IKBKB-DT: variants seen among roughly 807,000 people sequenced by gnomAD.
IKBKB-DT encodes the protein IKBKB divergent transcript, also known as IKBKB antisense RNA.
At chr8:42,263,496 A>T (rs928229787) in intron 2 of IKBKB-DT, 7 of 152,222 alleles carry the variant, frequency 4.6e-5, no homozygotes, top group African/African-American at 1.7e-4. Flanking sequence ...GCAGATTAAG[A>T]AGAGAAAGAC....
intron 3 of IKBKB-DT, among the ~76,000 whole-genome samples, chr8:42,241,756 C>T (rs1357304552): frequency 1.3e-5 from 2 of 152,138 alleles, no homozygotes; most frequent in African/African-American, 4.8e-5. Context: ...GACATATCAG[C>T]CCACCTGCTT....
chr8:42,246,130 A>G (rs1189802586), intron 3 of IKBKB-DT, among the ~76,000 whole-genome samples: 3 of 152,188 alleles, frequency 2.0e-5, no homozygotes, highest in Non-Finnish European at 2.9e-5. Context: ...TCAACCTCCC[A>G]GGCTCAGGCA....
chr8:42,235,808 T>C (rs1806912742), intron 3 of IKBKB-DT, among the ~76,000 whole-genome samples: 1 of 152,172 alleles, frequency 6.6e-6, no homozygotes, highest in African/African-American at 2.4e-5. Context: ...GAGTTGATTT[T>C]GTTTGTGCAG....
chr8:42,265,424 G>T (rs1807356833), intron 2 of IKBKB-DT, among the ~76,000 whole-genome samples: 2 of 152,152 alleles, frequency 1.3e-5, no homozygotes, highest in South Asian at 4.1e-4. Context: ...TGGCCTCCCA[G>T]ATAGTCACCA....
chr8:42,238,268 G>C (rs909168298), intron 3 of IKBKB-DT, among the ~76,000 whole-genome samples: 1 of 152,102 alleles, frequency 6.6e-6, no homozygotes, highest in African/African-American at 2.4e-5. Flanking sequence ...CAAAAATTAC[G>C]AGAGTGAGAG....
At chr8:42,270,164 A>AAACCCTGCTAG (rs1807535990) in intron 1 of IKBKB-DT, among the ~76,000 whole-genome samples, 1 of 152,170 alleles carries the variant, frequency 6.6e-6, no homozygotes, top group Non-Finnish European at 1.5e-5. Flanking sequence ...TTTGAGTATC[A>AAACCCTGCTAG]GCTCATCTAC....
chr8:42,254,638 G>A (rs889768939), intron 3 of IKBKB-DT, among the ~76,000 whole-genome samples: 3 of 150,768 alleles, frequency 2.0e-5, no homozygotes, highest in Non-Finnish European at 4.4e-5. Flanking sequence ...GGGAAGTGAG[G>A]AGCACCTCTG....
At chr8:42,248,362 G>A (rs1807088078) in intron 3 of IKBKB-DT, among the ~76,000 whole-genome samples, 2 of 151,984 alleles carry the variant, frequency 1.3e-5, no homozygotes, top group Non-Finnish European at 2.9e-5. Context: ...GGAGACCCCT[G>A]TCTTAGAGTA....
chr8:42,240,241 G>T (rs1327742117), intron 3 of IKBKB-DT, among the ~76,000 whole-genome samples: 1 of 147,846 alleles, frequency 6.8e-6, no homozygotes, highest in African/African-American at 2.5e-5. Flanking sequence ...TTTTTTTGAG[G>T]AATCACTTTG....
At chr8:42,237,684 A>G (rs1456118181) in intron 3 of IKBKB-DT, among the ~76,000 whole-genome samples, 1 of 152,008 alleles carries the variant, frequency 6.6e-6, no homozygotes, top group African/African-American at 2.4e-5. Context: ...GGCTACAATG[A>G]GGGGGATCTG....
intron 3 of IKBKB-DT, among the ~76,000 whole-genome samples, chr8:42,248,331 C>T (rs1393959540): frequency 1.3e-5 from 2 of 152,090 alleles, no homozygotes; most frequent in East Asian, 1.9e-4. Context: ...CAGACCGGGA[C>T]CTGTCTTCGG....
At chr8:42,257,670 A>G (rs574147289) in intron 3 of IKBKB-DT, among the ~76,000 whole-genome samples, 75 of 152,206 alleles carry the variant, frequency 4.9e-4, no homozygotes, top group South Asian at 1.9e-3. Flanking sequence ...TCAGTGGCTC[A>G]TGCCTATAAT....
chr8:42,248,227 C>CT (rs1300622257), intron 3 of IKBKB-DT, among the ~76,000 whole-genome samples: 3 of 152,136 alleles, frequency 2.0e-5, no homozygotes, highest in Non-Finnish European at 4.4e-5. Flanking sequence ...ATATCTCACA[C>CT]TTTATAGCAG....
chr8:42,266,717 A>G lies in IKBKB-DT; in HGVS notation n.604-321T>C. 1.3e-5 allele frequency among the ~76,000 whole-genome samples: 2 copies of G among 152,154 alleles called. 1 individual carries two copies. Among genetic ancestry groups the G allele is most frequent in the Non-Finnish European group, 2.9e-5 (2 of 68,012 alleles). On this transcript the variant is annotated intron_variant and non_coding_transcript_variant, in intron 1 of 3. Coordinates refer to ENST00000518213, the Ensembl canonical transcript of IKBKB-DT. ...CCCTGCAGATAAAACAGGTTTCGGT[A>G]AAGAAGCCGGCTCTAACCCACCAAA...
chr8:42,248,611 T>G (rs546344202), intron 3 of IKBKB-DT, among the ~76,000 whole-genome samples: 1 of 152,290 alleles, frequency 6.6e-6, no homozygotes, highest in Admixed American at 6.5e-5. Context: ...CCGGCTGCAG[T>G]GGCTCATGTC....
At chr8:42,260,110 A>G (rs551735542) in intron 3 of IKBKB-DT, among the ~76,000 whole-genome samples, 1 of 152,220 alleles carries the variant, frequency 6.6e-6, no homozygotes, top group African/African-American at 2.4e-5. Flanking sequence ...CAGAGTCGGG[A>G]GATCTCAAGT....
At chr8:42,267,874 G>GA (rs948823472) in intron 1 of IKBKB-DT, among the ~76,000 whole-genome samples, 14 of 150,138 alleles carry the variant, frequency 9.3e-5, no homozygotes, top group Non-Finnish European at 1.6e-4. Context: ...ATTAATTGAA[G>GA]AAAAAAAAAG....
At chr8:42,263,671 A>G (rs1298055262) in intron 2 of IKBKB-DT, among the ~76,000 whole-genome samples, 2 of 152,212 alleles carry the variant, frequency 1.3e-5, no homozygotes, top group Non-Finnish European at 2.9e-5. Flanking sequence ...GGTGTCCAGA[A>G]AAAGCTTGGT....
chr8:42,239,304 C>T (rs1585459330), intron 3 of IKBKB-DT, among the ~76,000 whole-genome samples: 1 of 151,914 alleles, frequency 6.6e-6, no homozygotes, highest in African/African-American at 2.4e-5. Flanking sequence ...AACAGCATGG[C>T]CCTCATCCCG....
Sources: gnomAD v4.1 joint callset for allele counts (sites outside exome capture counted in the v4.1 genomes callset) on GRCh38, gnomAD v4.1.1 for gene constraint, MANE v1.5 for transcripts, NCBI Gene and HGNC (gene_info 2026-07-23, HGNC 2026-07-21) for gene names.